Variants in DHPS observed in about 807,000 individuals in gnomAD.
DHPS encodes the protein migration-inducing gene 13.
In DHPS, 24 loss-of-function variants were observed where a neutral mutation model predicts 38.7. The ratio of observed to expected loss-of-function variants is 0.62; its 90% CI spans 0.45 to 0.87. The LOEUF (loss-of-function observed/expected upper bound fraction) is 0.87, where lower values mean the gene tolerates loss of function less well. Ranked by LOEUF, DHPS falls within the 40% of genes least tolerant of loss-of-function variation. DHPS has a pLI of 0.00. For synonymous variants in DHPS, 250 were observed against 204.4 expected (o/e 1.22, Z -1.90); for missense variants, 510 against 497.6 (o/e 1.02, Z -0.24).
At position 12,677,185 on chromosome 19, in the gene DHPS, T is replaced by G; in HGVS notation, c.811A>C (p.Ile271Leu). ...ATCATCCCAGTGCACTTGGCAAAGA[T>G]GGCCTGTGTGTTGATGAGCCTCAGG... ...EDLRLINTQA[I>L]FAKCTGMIIL... Residue 271 changes from isoleucine to leucine, a missense_variant, in exon 7 of 9, where the codon ATC becomes CTC. Physicochemically the swap from Ile to Leu is conservative, Grantham distance 5. Coordinates refer to ENST00000210060, the MANE Select transcript of DHPS (RefSeq NM_001930.4). The G allele has an allele frequency of 6.2e-7, 1 of 1,614,230 alleles. No individual in the cohort carries two copies.
At chr19:12,678,747 C>T (rs146438751) in intron 5 of DHPS, among the ~76,000 whole-genome samples, 131 of 111,400 alleles carry the variant, frequency 1.2e-3, no homozygotes, top group Non-Finnish European at 1.7e-3. Context: ...CCAGCCTGGG[C>T]GACAGAGCAA....
chr19:12,673,085 C>G, downstream of DHPS: 1 of 1,613,536 alleles, frequency 6.2e-7, no homozygotes, highest in Non-Finnish European at 8.5e-7. Context: ...ATTGCGGCTC[C>G]TGGACAAAGA....
chr19:12,681,316 C>A, intron 1 of DHPS: 1 of 1,144,714 alleles, frequency 8.7e-7, no homozygotes, highest in South Asian at 1.6e-5. Context: ...TAGAACCCGC[C>A]CCCACACCAA....
At chr19:12,673,315 A>T, downstream of DHPS, 2 of 1,517,864 alleles carry the variant, frequency 1.3e-6, no homozygotes, top group Non-Finnish European at 1.8e-6. Flanking sequence ...GACCTGGTGG[A>T]GGTGAGGTGC....
intron 1 of DHPS, chr19:12,681,086 C>T (rs2024793405): frequency 1.6e-6 from 2 of 1,249,380 alleles, no homozygotes; most frequent in African/African-American, 1.6e-5. Context: ...CCCGCCTCGG[C>T]TTCCCAAAAT....
In DHPS at chr19:12,675,720, A is replaced by G. The variant is rs747137345; in HGVS notation, c.*118T>C. 2.0e-5 allele frequency: 32 copies of G among 1,592,118 alleles called. 1 individual carries two copies. In the South Asian group the frequency reaches 3.6e-4, roughly 18 times the overall value. On this transcript the variant is annotated 3_prime_UTR_variant, in exon 9 of 9. Transcript: ENST00000210060. ...ACCAAGGACCGAGACACAGACATGGAAGGACTTCAGATACCATCTTATTCT... is the reference window on the plus strand; with the variant it reads ...ACCAAGGACCGAGACACAGACATGGGAGGACTTCAGATACCATCTTATTCT...
chr19:12,677,453 C>T, intron 5 of DHPS, 57 bp from the exon 6 acceptor site: 1 of 1,436,472 alleles, frequency 7.0e-7, no homozygotes, highest in Admixed American at 1.9e-5. Context: ...TCCATGCTGG[C>T]TATATGACTA....
intron 7 of DHPS, chr19:12,676,879 T>C: frequency 1.8e-6 from 1 of 548,044 alleles, no homozygotes; most frequent in Non-Finnish European, 3.3e-6. Flanking sequence ...TTCCAAAACC[T>C]CTTGTTGGAC....
chr19:12,672,537 G>C (rs2024454116), downstream of DHPS: 1 of 371,576 alleles, frequency 2.7e-6, no homozygotes. Context: ...GAACCCGGGA[G>C]GCAGAGGTTC....
chr19:12,673,699 A>G (rs1013979085), downstream of DHPS, among the ~76,000 whole-genome samples: 1 of 150,602 alleles, frequency 6.6e-6, no homozygotes, highest in Non-Finnish European at 1.5e-5. Flanking sequence ...TACAGGCGTA[A>G]GCCACCACAC....
intron 5 of DHPS, among the ~76,000 whole-genome samples, chr19:12,678,239 CAA>C (rs953688718): frequency 6.1e-5 from 9 of 148,700 alleles, no homozygotes; most frequent in Non-Finnish European, 1.0e-4. Flanking sequence ...GCCTGGGTAA[CAA>C]GAGCAAAACT....
chr19:12,681,843 A>C lies in DHPS; in HGVS notation c.-77T>G. On this transcript the variant is annotated 5_prime_UTR_variant, in exon 1 of 9. Coordinates refer to ENST00000210060, the MANE Select transcript of DHPS (RefSeq NM_001930.4). ...CGGCCCAGAAACGCGTTAAACCCCG[A>C]CGCGCGCGTCTCCGCAAGAGCACAG... is the stretch of plus-strand genomic sequence containing the variant. The C allele has an allele frequency of 7.7e-7, 1 of 1,306,734 alleles. No homozygotes were observed. Among genetic ancestry groups the C allele is most frequent in the Non-Finnish European group, 1.1e-6 (1 of 935,804 alleles). The allele number at this position is 1,306,734 out of a possible 1,614,324, so 80.9% of individuals were successfully genotyped here.
chr19:12,679,585 C>G (rs201515162), intron 4 of DHPS, 38 bp downstream of exon 4: 2 of 1,614,060 alleles, frequency 1.2e-6, no homozygotes, highest in South Asian at 1.1e-5. Flanking sequence ...TCCCCTGACT[C>G]CCACTGAACT....
Position 12,677,094 on chromosome 19 carries a change from C to T in DHPS, c.888+14G>A, listed in dbSNP as rs112206538. ...CATGTCTGCAGAGTGGGCCGAAGCG[C>T]CACCCCCACTCACCATGAGGTTGGC... On this transcript the variant is annotated intron_variant, in intron 7 of 8. Transcript: ENST00000210060. The T allele has an allele frequency of 1.2e-3, 1,868 of 1,612,704 alleles. 18 individuals are homozygous for T. The African/African-American group carries it at 0.022, about 19-fold the overall frequency.
At chr19:12,676,958 T>A (rs2024611769) in intron 7 of DHPS, 150 bp downstream of exon 7, 1 of 680,894 alleles carries the variant, frequency 1.5e-6, no homozygotes, top group Admixed American at 2.3e-5. Context: ...CTGACGTGGA[T>A]GTCACTTGTT....
At position 12,677,136 on chromosome 19, in the gene DHPS, T is replaced by C. The variant is rs1163588537; in HGVS notation, c.860A>G (p.Lys287Arg). The C allele has an allele frequency of 1.2e-6, 2 of 1,614,220 alleles. No homozygotes were observed. The highest frequency in any genetic ancestry group is 1.1e-5 in the South Asian group (1 of 91,088). Residue 287 changes from lysine to arginine, a missense_variant, in exon 7 of 9, where the codon AAG becomes AGG. Physicochemically the swap from Lys to Arg is conservative, Grantham distance 26. Coordinates refer to ENST00000210060, the MANE Select transcript of DHPS (RefSeq NM_001930.4). Reference sequence around the variant, plus strand: ...GAGGTTGGCATTGGCAATGTGGTGCTTGACCACGCCCCCGCCCAGAATGAT... The same window carrying C: ...GAGGTTGGCATTGGCAATGTGGTGCCTGACCACGCCCCCGCCCAGAATGAT... ...GMIILGGGVV[K>R]HHIANANLMR... is the part of the protein sequence containing the mutation.
chr19:12,679,828 T>C lies in DHPS; in HGVS notation c.467A>G (p.Lys156Arg), dbSNP rs142480793. Residue 156 changes from lysine (K) to arginine (R), a missense_variant, in exon 3 of 9, where the codon AAG becomes AGG. By Grantham distance (26) the Lys-to-Arg change is conservative. Coordinates refer to ENST00000210060, the MANE Select transcript of DHPS (RefSeq NM_001930.4). ...TYLGEFSLRG[K>R]ELRENGINRI... ...ATTGATCCCGTTCTCCCGGAGCTCC[T>C]TCCCCCTGAGGCTAAACTCGCCCAA... is the stretch of plus-strand genomic sequence containing the variant. 1.2e-5 allele frequency: 19 copies of C among 1,613,788 alleles called. No homozygotes were observed. The highest frequency in any genetic ancestry group is 2.2e-5 in the South Asian group (2 of 91,068).
At chr19:12,675,556 G>T (rs34373915), downstream of DHPS, 58 of 1,606,194 alleles carry the variant, frequency 3.6e-5, no homozygotes, top group Non-Finnish European at 4.7e-5. Context: ...TGTGGGTTCC[G>T]GTGTGGTGCA....
At chr19:12,676,357 T>C in intron 7 of DHPS, 1 of 606,098 alleles carries the variant, frequency 1.6e-6, no homozygotes, top group Non-Finnish European at 2.8e-6. Context: ...AACAGCCAGG[T>C]GTCAACAACC....
Sources: gnomAD v4.1 joint callset for allele counts (sites outside exome capture counted in the v4.1 genomes callset) on GRCh38, gnomAD v4.1.1 for gene constraint, MANE v1.5 for transcripts, NCBI Gene and HGNC (gene_info 2026-07-23, HGNC 2026-07-21) for gene names.